The following EPHA5 variants were observed in gnomAD, a reference collection of about 807,000 sequenced individuals.
EPHA5 encodes the protein EPH receptor A5, also known as ephrin type-A receptor 5.
A neutral mutation model predicts 105.0 loss-of-function variants in EPHA5; 60 were observed. The observed-to-expected ratio is 0.57, with a 90% CI of 0.46 to 0.71. EPHA5 has a LOEUF of 0.71. Among genes scored for constraint, EPHA5 ranks in the 30% least tolerant of loss-of-function variants. The probability of loss-of-function intolerance (pLI) is 0.00; values close to 1 mark genes in which losing one functional copy is unlikely to be tolerated. For missense variants in EPHA5, 1,218 were observed against 1,274.7 expected, an observed-to-expected ratio of 0.96 and a Z score of 0.68; for synonymous variants, 513 against 449.1, an observed-to-expected ratio of 1.14 and a Z score of -1.80.
intron 3 of EPHA5, among the ~76,000 whole-genome samples, chr4:65,581,260 A>C (rs549951923): frequency 6.6e-6 from 1 of 151,844 alleles, no homozygotes; most frequent in African/African-American, 2.4e-5. Flanking sequence ...AGATTTACTC[A>C]GTTTTTCTCT....
At chr4:65,545,040 T>C (rs191920913) in intron 3 of EPHA5, among the ~76,000 whole-genome samples, 3 of 151,900 alleles carry the variant, frequency 2.0e-5, no homozygotes, top group Non-Finnish European at 4.4e-5. Context: ...GAAAGTATAT[T>C]CATTATGGAA....
intron 5 of EPHA5, among the ~76,000 whole-genome samples, chr4:65,468,461 G>A (rs968425386): frequency 7.0e-6 from 1 of 143,878 alleles, no homozygotes; most frequent in Non-Finnish European, 1.5e-5. Flanking sequence ...TAGCCAGGGG[G>A]GAGATATATA....
intron 6 of EPHA5, among the ~76,000 whole-genome samples, chr4:65,418,994 C>A (rs1336150595): frequency 6.7e-6 from 1 of 148,330 alleles, no homozygotes; most frequent in Non-Finnish European, 1.5e-5. Context: ...AGCAATTCTC[C>A]TGCCTCAGCC....
At chr4:65,352,908 A>C (rs558203226) in intron 12 of EPHA5, 134 bp downstream of exon 12, 1 of 423,838 alleles carries the variant, frequency 2.4e-6, no homozygotes, top group African/African-American at 2.1e-5. Flanking sequence ...TGGCTCCATA[A>C]ATTTCTGTTC....
intron 3 of EPHA5, among the ~76,000 whole-genome samples, chr4:65,544,376 A>G (rs552450403): frequency 1.4e-4 from 22 of 152,210 alleles, no homozygotes; most frequent in African/African-American, 5.1e-4. Flanking sequence ...AAACAAATTT[A>G]CAAGAAACAA....
intron 5 of EPHA5, among the ~76,000 whole-genome samples, chr4:65,435,995 C>G (rs949323163): frequency 2.0e-5 from 3 of 151,974 alleles, no homozygotes; most frequent in African/African-American, 7.2e-5. Context: ...AAATTACACA[C>G]TTTTTCTCAG....
intron 3 of EPHA5, among the ~76,000 whole-genome samples, chr4:65,562,647 T>A (rs888753232): frequency 1.3e-5 from 2 of 152,068 alleles, no homozygotes; most frequent in African/African-American, 4.8e-5. Context: ...CAAGACATTC[T>A]TGACATTCTG....
intron 16 of EPHA5, 75 bp downstream of exon 16, chr4:65,331,898 C>G (rs898990030): frequency 6.5e-7 from 1 of 1,531,958 alleles, no homozygotes; most frequent in Non-Finnish European, 8.7e-7. Flanking sequence ...ATTTCCCTTA[C>G]CTCATCCAGA....
chr4:65,485,315 T>C (rs1162392122), intron 5 of EPHA5, among the ~76,000 whole-genome samples: 1 of 152,094 alleles, frequency 6.6e-6, no homozygotes, highest in African/African-American at 2.4e-5. Context: ...TTATGTAACA[T>C]CTACTTTTTT....
chr4:65,624,866 T>C (rs1212497128), intron 2 of EPHA5, among the ~76,000 whole-genome samples: 1 of 152,202 alleles, frequency 6.6e-6, no homozygotes. Context: ...AAAGTGGAAA[T>C]AATCATTGTG....
At chr4:65,586,305 A>G (rs939977010) in intron 3 of EPHA5, among the ~76,000 whole-genome samples, 1 of 151,676 alleles carries the variant, frequency 6.6e-6, no homozygotes, top group Admixed American at 6.6e-5. Context: ...ACTAAAAGTA[A>G]CTCCCATATT....
chr4:65,649,115 T>C (rs1748373317), intron 1 of EPHA5, among the ~76,000 whole-genome samples: 1 of 152,216 alleles, frequency 6.6e-6, no homozygotes, highest in African/African-American at 2.4e-5. Context: ...TCCATATGCA[T>C]AGTCTTTTTT....
intron 5 of EPHA5, among the ~76,000 whole-genome samples, chr4:65,427,743 A>G (rs1301941087): frequency 6.6e-6 from 1 of 152,220 alleles, no homozygotes; most frequent in Non-Finnish European, 1.5e-5. Flanking sequence ...CAATGAATTT[A>G]TCTTTGGTTT....
intron 5 of EPHA5, among the ~76,000 whole-genome samples, chr4:65,446,389 G>A (rs931664592): frequency 6.6e-6 from 1 of 152,068 alleles, no homozygotes; most frequent in East Asian, 1.9e-4. Context: ...TTTATTAAAA[G>A]CATTGATAGA....
intron 14 of EPHA5, among the ~76,000 whole-genome samples, chr4:65,340,774 A>C (rs986208): frequency 6.6e-6 from 1 of 151,924 alleles, no homozygotes; most frequent in Non-Finnish European, 1.5e-5. Flanking sequence ...GAGCATGTCA[A>C]TCATAAACAT....
chr4:65,465,479 G>GAA (rs1491040529), intron 5 of EPHA5, among the ~76,000 whole-genome samples: 1 of 47,038 alleles, frequency 2.1e-5, no homozygotes, highest in African/African-American at 7.8e-5. Flanking sequence ...AAGAAAGAAA[G>GAA]AAAGAAAGAA....
intron 3 of EPHA5, among the ~76,000 whole-genome samples, chr4:65,596,321 G>T (rs1333914106): frequency 1.3e-5 from 2 of 152,054 alleles, no homozygotes; most frequent in Non-Finnish European, 2.9e-5. Flanking sequence ...GGGGAGTGGG[G>T]TGTCCTACTG....
At chr4:65,633,700 T>C (rs895112599) in intron 2 of EPHA5, among the ~76,000 whole-genome samples, 3 of 151,918 alleles carry the variant, frequency 2.0e-5, no homozygotes, top group African/African-American at 7.2e-5. Flanking sequence ...CAATATGAGA[T>C]TGTGGAAATT....
At chr4:65,337,587 A>G (rs910369692) in intron 14 of EPHA5, among the ~76,000 whole-genome samples, 10 of 152,250 alleles carry the variant, frequency 6.6e-5, no homozygotes, top group Admixed American at 5.2e-4. Flanking sequence ...CAAGCCTATC[A>G]CATTTGATGG....
Sources: gnomAD v4.1 joint callset for allele counts (sites outside exome capture counted in the v4.1 genomes callset) on GRCh38, gnomAD v4.1.1 for gene constraint, MANE v1.5 for transcripts, NCBI Gene and HGNC (gene_info 2026-07-23, HGNC 2026-07-21) for gene names.